Variants in EDA observed in about 807,000 individuals in gnomAD.
EDA encodes ectodysplasin-A.
In EDA, 2 loss-of-function variants were observed where a neutral mutation model predicts 23.6. That is an observed-to-expected ratio of 0.08 (90% CI 0.03 to 0.27). The LOEUF is 0.27. Among genes scored for constraint, EDA ranks in the 10% least tolerant of loss-of-function variants. The pLI, the probability that EDA is intolerant of heterozygous loss-of-function variation, is 1.00. For missense variants in EDA, 229 were observed against 324.2 expected, an observed-to-expected ratio of 0.71 and a Z score of 2.26; for synonymous variants, 131 against 132.0, an observed-to-expected ratio of 0.99 and a Z score of 0.05.
chrX:69,768,543 A>G (rs906668295), intron 1 of EDA, among the ~76,000 whole-genome samples: 1 of 111,641 alleles, frequency 9.0e-6, no homozygotes, highest in African/African-American at 3.2e-5. Flanking sequence ...TCTATTATGT[A>G]TCATTAATAA....
At chrX:69,629,856 T>C (rs1932507486) in intron 1 of EDA, among the ~76,000 whole-genome samples, 1 of 111,669 alleles carries the variant, frequency 9.0e-6, no homozygotes, top group Non-Finnish European at 1.9e-5. Context: ...CATTTCTCCC[T>C]GAATACTGAA....
At chrX:69,694,175 G>A (rs2011258118) in intron 1 of EDA, among the ~76,000 whole-genome samples, 1 of 111,831 alleles carries the variant, frequency 8.9e-6, no homozygotes, top group Non-Finnish European at 1.9e-5. Flanking sequence ...AGACCAGGTG[G>A]CCATCTGTGC....
chrX:69,800,814 A>G (rs1390359246), intron 1 of EDA, among the ~76,000 whole-genome samples: 1 of 111,910 alleles, frequency 8.9e-6, no homozygotes, highest in Non-Finnish European at 1.9e-5. Flanking sequence ...CTGTTCCTTA[A>G]AGCAAGGTGT....
At chrX:69,957,260 C>A in intron 2 of EDA, 128 bp downstream of exon 2, 1 of 598,195 alleles carries the variant, frequency 1.7e-6, no homozygotes, top group South Asian at 2.6e-5. Flanking sequence ...GGGAGGCCCA[C>A]GCGGGCAGAT....
intron 1 of EDA, among the ~76,000 whole-genome samples, chrX:69,872,569 A>G (rs1047125470): frequency 8.9e-6 from 1 of 111,824 alleles, no homozygotes; most frequent in Non-Finnish European, 1.9e-5. Context: ...AATCCATGCA[A>G]ATGGACACCA....
chrX:69,800,502 A>G (rs1322247396), intron 1 of EDA, among the ~76,000 whole-genome samples: 1 of 111,235 alleles, frequency 9.0e-6, no homozygotes, highest in Non-Finnish European at 1.9e-5. Context: ...CCTTATAAAT[A>G]TATACAAATA....
At chrX:69,684,302 A>G (rs1215129210) in intron 1 of EDA, among the ~76,000 whole-genome samples, 1 of 111,760 alleles carries the variant, frequency 8.9e-6, no homozygotes, top group Non-Finnish European at 1.9e-5. Context: ...AAACCGAAAA[A>G]CAAACCAGGA....
At chrX:69,866,660 G>A (rs62605772) in intron 1 of EDA, among the ~76,000 whole-genome samples, 6,707 of 111,116 alleles carry the variant, frequency 0.06, 150 homozygotes, top group South Asian at 0.093. Flanking sequence ...GAGCATACAC[G>A]GCCTTATGGA....
At chrX:69,942,111 C>T (rs1279321730) in intron 1 of EDA, among the ~76,000 whole-genome samples, 2 of 111,526 alleles carry the variant, frequency 1.8e-5, no homozygotes, top group East Asian at 5.6e-4. Flanking sequence ...ACTTTAAAAC[C>T]TTCTTTTCTA....
intron 1 of EDA, among the ~76,000 whole-genome samples, chrX:69,913,461 C>T (rs1375925081): frequency 1.8e-5 from 2 of 112,427 alleles, no homozygotes; most frequent in African/African-American, 6.5e-5. Context: ...TCTGCAGCTT[C>T]CTCACTTCTT....
chrX:69,992,801 T>C (rs1354218002), intron 2 of EDA, among the ~76,000 whole-genome samples: 1 of 112,294 alleles, frequency 8.9e-6, no homozygotes, highest in African/African-American at 3.2e-5. Flanking sequence ...TTCACCAAAA[T>C]TTGTATTAAT....
chrX:69,939,408 A>C (rs1339390533), intron 1 of EDA, among the ~76,000 whole-genome samples: 1 of 106,548 alleles, frequency 9.4e-6, no homozygotes, highest in African/African-American at 3.4e-5. Context: ...TGCTGCTGAC[A>C]TATAGAAATG....
intron 1 of EDA, among the ~76,000 whole-genome samples, chrX:69,868,165 A>C (rs1756322928): frequency 8.9e-6 from 1 of 112,109 alleles, no homozygotes; most frequent in African/African-American, 3.2e-5. Context: ...CTGACACTTC[A>C]AGCACCATTG....
intron 2 of EDA, chrX:70,022,792 A>G (rs1048447690): frequency 6.8e-5 from 8 of 117,716 alleles, no homozygotes; most frequent in East Asian, 2.7e-4. Flanking sequence ...TGCTCTTTCC[A>G]TGAAAATGAC....
At chrX:69,677,456 G>A (rs1218517528) in intron 1 of EDA, among the ~76,000 whole-genome samples, 1 of 111,371 alleles carries the variant, frequency 9.0e-6, no homozygotes, top group Non-Finnish European at 1.9e-5. Context: ...CAGTGTAAAA[G>A]TGTTCCTATT....
chrX:69,749,247 G>C (rs1364159851), intron 1 of EDA, among the ~76,000 whole-genome samples: 2 of 88,763 alleles, frequency 2.3e-5, no homozygotes, highest in Non-Finnish European at 4.4e-5. Flanking sequence ...TTTCATCCAT[G>C]TCCCTACAAA....
intron 1 of EDA, among the ~76,000 whole-genome samples, chrX:69,911,253 C>T (rs183704475): frequency 3.8e-4 from 42 of 111,821 alleles, no homozygotes; most frequent in African/African-American, 1.3e-3. Context: ...TGTTAGCCAG[C>T]GATTCAGACA....
At chrX:70,011,142 C>T (rs1057434950) in intron 2 of EDA, among the ~76,000 whole-genome samples, 8 of 111,224 alleles carry the variant, frequency 7.2e-5, no homozygotes, top group African/African-American at 2.6e-4. Context: ...ATGTCAATTA[C>T]ACTTTGTTTA....
At chrX:69,777,303 T>C (rs1410165055) in intron 1 of EDA, among the ~76,000 whole-genome samples, 1 of 110,596 alleles carries the variant, frequency 9.0e-6, no homozygotes, top group East Asian at 2.8e-4. Context: ...CCTCAGCCCT[T>C]TGGTAGAATG....
Sources: allele counts gnomAD v4.1 joint callset (sites outside exome capture counted in the v4.1 genomes callset), GRCh38; gene constraint gnomAD v4.1.1; transcripts MANE v1.5; gene names NCBI Gene and HGNC (gene_info 2026-07-23, HGNC 2026-07-21).